Variants in PNKD observed in about 807,000 individuals in gnomAD.
PNKD encodes PNKD metallo-beta-lactamase domain containing.
PNKD carries 36 observed loss-of-function variants against 45.3 expected under a neutral mutation model. The ratio of observed to expected loss-of-function variants is 0.80; its 90% CI spans 0.61 to 1.05. The LOEUF (loss-of-function observed/expected upper bound fraction) is 1.05. Ranked by LOEUF, PNKD falls within the 50% of genes least tolerant of loss-of-function variation. The pLI, the probability that PNKD is intolerant of heterozygous loss-of-function variation, is 0.00. For synonymous variants in PNKD, 197 were observed against 210.1 expected (o/e 0.94, Z 0.54); for missense variants, 511 against 506.6 (o/e 1.01, Z -0.08).
Position 218,344,820 on chromosome 2 carries a change from C to G in PNKD, c.997C>G (p.Leu333Val). Reference protein sequence around the residue: ...LERKGTCPSTLGEERSYNPFL... With the variant: ...LERKGTCPSTVGEERSYNPFL... ...CTCTCACCCACAGTGCCCATCTACC[C>G]TGGGAGAGGAGCGCTCCTACAACCC... The change falls in exon 10 of 10, where the codon CTG (leucine) becomes GTG (valine). Residue 333 changes from leucine (L) to valine (V), a missense_variant. Physicochemically the swap from Leu to Val is conservative, Grantham distance 32 (BLOSUM62 1). Coordinates refer to ENST00000273077, the MANE Select transcript of PNKD (RefSeq NM_015488.5). 6.2e-7 allele frequency: 1 copy of G among 1,613,906 alleles called. No individual in the cohort carries two copies. The highest frequency in any genetic ancestry group is 8.5e-7 in the Non-Finnish European group (1 of 1,179,776).
chr2:218,307,089 C>T (rs1243436582), intron 2 of PNKD, among the ~76,000 whole-genome samples: 1 of 152,074 alleles, frequency 6.6e-6, no homozygotes, highest in South Asian at 2.1e-4. Context: ...GCCAAGTTGG[C>T]AGACCTGAAG....
chr2:218,296,850 G>A (rs979389198), intron 2 of PNKD, among the ~76,000 whole-genome samples: 2 of 152,040 alleles, frequency 1.3e-5, no homozygotes, highest in African/African-American at 4.8e-5. Context: ...GCTAATTTTT[G>A]TATTTTTAGT....
In PNKD at chr2:218,280,325, G is replaced by A. The variant is rs1348916362; in HGVS notation, c.236+8776G>A. 5 of 539,216 alleles carry A rather than the reference G, an allele frequency of 9.3e-6. No individual in the cohort carries two copies. In the East Asian group the frequency reaches 1.6e-4, roughly 18 times the overall value. The allele number at this position is 539,216 out of a possible 1,614,324, so 33.4% of individuals were successfully genotyped here. A position where few individuals can be genotyped will look rare whatever the true frequency, so the allele number is the denominator to read the frequency against. On this transcript the variant is annotated intron_variant, in intron 2 of 9. Transcript: ENST00000273077. ...CGGCCTGTCACGAGGGGGCTTAGGT[G>A]GGAAACGTTCCTCACGTGCATCTGT...
intron 2 of PNKD, among the ~76,000 whole-genome samples, chr2:218,273,151 C>G (rs531553046): frequency 6.6e-6 from 1 of 152,194 alleles, no homozygotes; most frequent in South Asian, 2.1e-4. Context: ...TCCCGCTCAG[C>G]CTTGAAACAA....
chr2:218,341,231 T>C (rs58042983), intron 5 of PNKD, among the ~76,000 whole-genome samples: 10,690 of 152,244 alleles, frequency 0.07, 780 homozygotes, highest in African/African-American at 0.19. Context: ...TAGGTAACAG[T>C]TGGCACAGGG....
At chr2:218,312,636 G>A (rs1399051636) in intron 2 of PNKD, among the ~76,000 whole-genome samples, 1 of 151,836 alleles carries the variant, frequency 6.6e-6, no homozygotes, top group Non-Finnish European at 1.5e-5. Context: ...ACTCTGGGAG[G>A]CCAAGGTAGG....
intron 2 of PNKD, among the ~76,000 whole-genome samples, chr2:218,306,303 A>G (rs1167645927): frequency 1.3e-5 from 2 of 152,208 alleles, no homozygotes; most frequent in African/African-American, 4.8e-5. Flanking sequence ...TGGGCCAGGC[A>G]TGAGGACCCA....
intron 9 of PNKD, 61 bp from the exon 10 acceptor site, chr2:218,344,747 T>C (rs1223390520): frequency 1.3e-6 from 2 of 1,559,636 alleles, no homozygotes; most frequent in African/African-American, 2.7e-5. Context: ...GGGTCAGGCT[T>C]CTCTGTCTTG....
At chr2:218,277,593 T>C (rs1345993634) in intron 2 of PNKD, 2 of 1,613,718 alleles carry the variant, frequency 1.2e-6, no homozygotes, top group African/African-American at 2.7e-5. Flanking sequence ...CTCCCCACAA[T>C]ACACATTTCC....
chr2:218,273,414 G>A (rs1239962031), intron 2 of PNKD, among the ~76,000 whole-genome samples: 2 of 151,042 alleles, frequency 1.3e-5, no homozygotes, highest in Non-Finnish European at 2.9e-5. Flanking sequence ...TGGGACCCCA[G>A]GTGAGTGCCA....
At chr2:218,319,335 G>A (rs1244494439) in intron 2 of PNKD, among the ~76,000 whole-genome samples, 2 of 150,752 alleles carry the variant, frequency 1.3e-5, no homozygotes, top group Non-Finnish European at 3.0e-5. Context: ...GCAGACATTG[G>A]GGCCATTTGT....
chr2:218,345,129 G>A lies in PNKD; in HGVS notation c.*148G>A. 1 of 665,070 alleles carries A rather than the reference G, an allele frequency of 1.5e-6. No individual in the cohort carries two copies. Among genetic ancestry groups the A allele is most frequent in the Non-Finnish European group, 2.6e-6 (1 of 390,152 alleles). 41.2% of individuals were successfully genotyped at this position (665,070 alleles called of 1,614,324 possible). ...CCCACACTGCTCAGGGGAGGGGAGG[G>A]ATCAGGCGATGAGACTGTGAGGCCA... On this transcript the variant is annotated 3_prime_UTR_variant, in exon 10 of 10. Transcript: ENST00000273077.
chr2:218,318,938 CT>C lies in PNKD; in HGVS notation c.237-20834del, dbSNP rs1188726715. ...ATATAGTAAAGTGCACAAATCTTTT[CT>C]TTTTTTTTTTCTTTTTTTTTTTTTT... On this transcript the variant is annotated intron_variant, in intron 2 of 9. Transcript: ENST00000273077. Among the ~76,000 whole-genome samples, 1,011 of 109,478 alleles carry C rather than the reference CT, an allele frequency of 9.2e-3. 10 individuals are homozygous for C. Among genetic ancestry groups the C allele is most frequent in the African/African-American group, 0.03 (868 of 28,752 alleles). The allele number at this position is 109,478 out of a possible 152,430, so 71.8% of individuals were successfully genotyped here.
chr2:218,302,940 G>A (rs905658112), intron 2 of PNKD, among the ~76,000 whole-genome samples: 5 of 145,872 alleles, frequency 3.4e-5, no homozygotes, highest in South Asian at 2.1e-4. Context: ...CTGTTTGTTC[G>A]TTTGTTTGTT....
intron 2 of PNKD, chr2:218,277,037 C>G (rs1388952035): frequency 2.5e-6 from 4 of 1,614,034 alleles, no homozygotes; most frequent in African/African-American, 1.3e-5. Flanking sequence ...TAGTGACAAT[C>G]CCAGTCACCA....
chr2:218,319,371 CTTTT>C (rs35553031), intron 2 of PNKD, among the ~76,000 whole-genome samples: 5 of 80,216 alleles, frequency 6.2e-5, no homozygotes, highest in Non-Finnish European at 9.1e-5. Flanking sequence ...TCTTGTTTGT[CTTTT>C]TTTTTTTTTT....
chr2:218,276,327 T>C (rs1691208745), intron 2 of PNKD, among the ~76,000 whole-genome samples: 1 of 152,114 alleles, frequency 6.6e-6, no homozygotes, highest in African/African-American at 2.4e-5. Flanking sequence ...GGTACACAAG[T>C]GTCTACTATA....
intron 2 of PNKD, among the ~76,000 whole-genome samples, chr2:218,320,266 C>T: frequency 6.6e-6 from 1 of 152,170 alleles, no homozygotes. Context: ...AATAATTGTA[C>T]ATATTTATGG....
intron 2 of PNKD, among the ~76,000 whole-genome samples, chr2:218,322,177 C>T (rs1299188757): frequency 1.3e-5 from 2 of 152,028 alleles, no homozygotes; most frequent in Non-Finnish European, 2.9e-5. Flanking sequence ...CCCCCTCGGC[C>T]TCCCAAAGTG....
Sources: gnomAD v4.1 joint callset for allele counts (sites outside exome capture counted in the v4.1 genomes callset) on GRCh38, gnomAD v4.1.1 for gene constraint, MANE v1.5 for transcripts, NCBI Gene and HGNC (gene_info 2026-07-23, HGNC 2026-07-21) for gene names.